The following MGAT5 variants were observed in gnomAD, a reference collection of about 807,000 sequenced individuals.
MGAT5 encodes the protein alpha-1,6-mannosylglycoprotein 6-beta-N-acetylglucosaminyltransferase A.
A neutral mutation model predicts 94.3 loss-of-function variants in MGAT5; 30 were observed. The ratio of observed to expected loss-of-function variants is 0.32; its 90% CI spans 0.24 to 0.43. The LOEUF is 0.43. Among genes scored for constraint, MGAT5 ranks in the 20% least tolerant of loss-of-function variants. The probability of loss-of-function intolerance (pLI) is 1.00; values close to 1 mark genes in which losing one functional copy is unlikely to be tolerated. For missense variants in MGAT5, 691 were observed against 905.5 expected (o/e 0.76, Z 3.04); for synonymous variants, 310 against 322.9 (o/e 0.96, Z 0.43).
chr2:134,223,692 G>A (rs1393435109), intron 1 of MGAT5, among the ~76,000 whole-genome samples: 4 of 151,670 alleles, frequency 2.6e-5, no homozygotes, highest in African/African-American at 9.7e-5. Context: ...TTATTAAAGA[G>A]AATATTATAG....
At chr2:134,153,967 C>T (rs1038469555) in intron 1 of MGAT5, among the ~76,000 whole-genome samples, 6 of 152,240 alleles carry the variant, frequency 3.9e-5, no homozygotes, top group African/African-American at 1.4e-4. Context: ...AACGGCAGGG[C>T]TGTAGCTCTT....
intron 1 of MGAT5, among the ~76,000 whole-genome samples, chr2:134,228,063 A>G (rs1468755279): frequency 6.6e-6 from 1 of 152,174 alleles, no homozygotes; most frequent in African/African-American, 2.4e-5. Flanking sequence ...AGAAGGAGCA[A>G]TCTTTTTGAT....
chr2:134,144,523 C>G (rs539837364), intron 1 of MGAT5, among the ~76,000 whole-genome samples: 1 of 152,322 alleles, frequency 6.6e-6, no homozygotes, highest in Admixed American at 6.5e-5. Context: ...GATTACAATT[C>G]TACATGAGAT....
At chr2:134,193,394 G>T (rs1051188654) in intron 1 of MGAT5, among the ~76,000 whole-genome samples, 1 of 152,140 alleles carries the variant, frequency 6.6e-6, no homozygotes, top group East Asian at 1.9e-4. Flanking sequence ...TGGGATTATA[G>T]ACATGTACCA....
chr2:134,329,037 T>C (rs540789467), intron 4 of MGAT5, among the ~76,000 whole-genome samples: 9 of 152,212 alleles, frequency 5.9e-5, no homozygotes, highest in African/African-American at 2.2e-4. Flanking sequence ...TTTTCAAATA[T>C]AAGTATGTGA....
intron 1 of MGAT5, among the ~76,000 whole-genome samples, chr2:134,266,449 G>C (rs1232668809): frequency 6.6e-6 from 1 of 152,168 alleles, no homozygotes; most frequent in Non-Finnish European, 1.5e-5. Flanking sequence ...TCTAACTCCT[G>C]ACCTCAGGTG....
intron 1 of MGAT5, among the ~76,000 whole-genome samples, chr2:134,237,971 C>G (rs548750161): frequency 2.0e-5 from 3 of 152,020 alleles, no homozygotes; most frequent in Admixed American, 2.0e-4. Flanking sequence ...GGCTGATCTC[C>G]AACTCCTGAC....
At chr2:134,121,876 T>C (rs916616015) in intron 1 of MGAT5, among the ~76,000 whole-genome samples, 6 of 152,194 alleles carry the variant, frequency 3.9e-5, no homozygotes, top group Non-Finnish European at 4.4e-5. Context: ...CTCTGTGTCA[T>C]GCACATCCTA....
chr2:134,318,741 T>G lies in MGAT5; in HGVS notation c.573+2T>G, dbSNP rs1687151891. On this transcript the variant is annotated splice_donor_variant, in intron 4 of 15. Coordinates refer to ENST00000281923, the MANE Select transcript of MGAT5 (RefSeq NM_002410.5). LOFTEE classifies it high-confidence loss of function. Reference sequence around the variant, plus strand: ...TCTTTTTTTATTTACCTCAGTGAGGTGAGTAGCTTTCTGTGGCTCCTGGGG... The same window carrying G: ...TCTTTTTTTATTTACCTCAGTGAGGGGAGTAGCTTTCTGTGGCTCCTGGGG... 6.2e-7 allele frequency: 1 copy of G among 1,608,552 alleles called. No homozygotes were observed. Among genetic ancestry groups the G allele is most frequent in the African/African-American group, 1.3e-5 (1 of 74,770 alleles).
chr2:134,153,758 G>A (rs75540738), intron 1 of MGAT5, among the ~76,000 whole-genome samples: 4,459 of 152,226 alleles, frequency 0.029, 328 homozygotes, highest in East Asian at 0.27. Flanking sequence ...ACTCGAGGAC[G>A]ATTTCCTTAT....
intron 13 of MGAT5, 27 bp from the exon 14 acceptor site, chr2:134,428,338 T>C (rs754209041): frequency 6.2e-7 from 1 of 1,608,698 alleles, no homozygotes; most frequent in Admixed American, 1.7e-5. Context: ...TCCTTCTCCT[T>C]CATGGTATCA....
chr2:134,422,839 G>C lies in MGAT5; in HGVS notation c.1714G>C (p.Gly572Arg). 6.2e-7 allele frequency: 1 copy of C among 1,613,838 alleles called. No homozygotes were observed. The highest frequency in any genetic ancestry group is 8.5e-7 in the Non-Finnish European group (1 of 1,179,816). The change falls in exon 13 of 16, where the codon GGG becomes CGG. Residue 572 changes from glycine to arginine, a missense_variant. Transcript: ENST00000281923. ...GCATCCTTACGCTGAAGTTTTCATC[G>C]GGCGGCCACATGTGTGGACTGTTGA... ...SQHPYAEVFI[G>R]RPHVWTVDLN...
At chr2:134,172,487 T>G (rs370742994) in intron 1 of MGAT5, among the ~76,000 whole-genome samples, 4 of 152,048 alleles carry the variant, frequency 2.6e-5, no homozygotes, top group African/African-American at 9.7e-5. Flanking sequence ...CCTTGGTTCA[T>G]GCCATTCTCC....
chr2:134,384,519 A>G (rs1462861548), intron 10 of MGAT5, among the ~76,000 whole-genome samples: 4 of 152,236 alleles, frequency 2.6e-5, no homozygotes, highest in African/African-American at 9.6e-5. Flanking sequence ...TTAGTAAAAC[A>G]AAGTCTCAGT....
At chr2:134,402,888 C>G (rs770312761) in intron 10 of MGAT5, 100 bp from the exon 11 acceptor site, 18 of 1,199,586 alleles carry the variant, frequency 1.5e-5, no homozygotes, top group Non-Finnish European at 2.0e-5. Flanking sequence ...TAAGAACTCT[C>G]TGTCTGTGGC....
intron 10 of MGAT5, among the ~76,000 whole-genome samples, chr2:134,396,741 C>A (rs1010241): frequency 0.45 from 68,853 of 152,088 alleles, 18,739 homozygotes; most frequent in Non-Finnish European, 0.61. Context: ...ATTTACTGAG[C>A]GCTCGCTCGC....
At chr2:134,432,720 GGCAAGTTACCTAACATCTCTAT>G (rs1684952071) in intron 14 of MGAT5, among the ~76,000 whole-genome samples, 2 of 152,106 alleles carry the variant, frequency 1.3e-5, no homozygotes, top group South Asian at 4.1e-4. Context: ...TCTGACCTTG[GGCAAGTTACCTAACATCTCTAT>G]GCTCTTTCCT....
At chr2:134,315,025 T>C (rs1686917235) in intron 2 of MGAT5, among the ~76,000 whole-genome samples, 1 of 152,234 alleles carries the variant, frequency 6.6e-6, no homozygotes, top group Non-Finnish European at 1.5e-5. Context: ...ACTCTCTGTT[T>C]CTTTACAAAA....
intron 1 of MGAT5, among the ~76,000 whole-genome samples, chr2:134,152,499 T>C (rs1367238055): frequency 6.6e-6 from 1 of 151,456 alleles, no homozygotes; most frequent in Non-Finnish European, 1.5e-5. Context: ...TGGGACCCAC[T>C]CACTGCCATG....
Sources: gnomAD v4.1 joint callset for allele counts (sites outside exome capture counted in the v4.1 genomes callset) on GRCh38, gnomAD v4.1.1 for gene constraint, MANE v1.5 for transcripts, NCBI Gene and HGNC (gene_info 2026-07-23, HGNC 2026-07-21) for gene names.